Variants in COL4A3 observed in about 807,000 individuals in gnomAD.
COL4A3 encodes collagen type IV alpha 3 chain.
A neutral mutation model predicts 217.4 loss-of-function variants in COL4A3; 135 were observed. The ratio of observed to expected loss-of-function variants is 0.62; its 90% CI spans 0.54 to 0.72. The LOEUF is 0.72. Ranked by LOEUF, COL4A3 falls within the 30% of genes least tolerant of loss-of-function variation. The probability of loss-of-function intolerance (pLI) is 0.00; values close to 1 mark genes in which losing one functional copy is unlikely to be tolerated. For synonymous variants in COL4A3, 690 were observed against 736.3 expected (o/e 0.94, Z 1.02); for missense variants, 1,868 against 2,119.9 (o/e 0.88, Z 2.33).
rs1178651543 is a variant in COL4A3, at chr2:227,164,721, C to G, written c.-6C>G. 1 of 1,530,486 alleles carries G rather than the reference C, an allele frequency of 6.5e-7. No individual in the cohort carries two copies. Among genetic ancestry groups the G allele is most frequent in the Non-Finnish European group, 8.7e-7 (1 of 1,145,250 alleles). 94.8% of individuals were successfully genotyped at this position (1,530,486 alleles called of 1,614,324 possible). A position where few individuals can be genotyped will look rare whatever the true frequency, so the allele number is the denominator to read the frequency against. Reference sequence around the variant, plus strand: ...GACTCGCCCAGGCTCTGAGCGCGCGCCCACCATGAGCGCCCGGACCGCCCC... The same window carrying G: ...GACTCGCCCAGGCTCTGAGCGCGCGGCCACCATGAGCGCCCGGACCGCCCC... On this transcript the variant is annotated 5_prime_UTR_variant, in exon 1 of 52. Coordinates refer to ENST00000396578, the MANE Select transcript of COL4A3 (RefSeq NM_000091.5). This position sits in a 1 kb window ranked among gnomAD's most constrained non-coding sequence, Gnocchi z 4.8.
At chr2:227,202,936 T>TAC in intron 1 of COL4A3, among the ~76,000 whole-genome samples, 1 of 27,314 alleles carries the variant, frequency 3.7e-5, no homozygotes, top group South Asian at 1.5e-3. Flanking sequence ...TATATATGTG[T>TAC]ATATATGTGT....
Position 227,256,031 on chromosome 2 carries a change from A to C in COL4A3, c.894A>C (p.Lys298Asn). The C allele has an allele frequency of 6.2e-7, 1 of 1,613,806 alleles. No individual in the cohort carries two copies. The highest frequency in any genetic ancestry group is 8.5e-7 in the Non-Finnish European group (1 of 1,179,802). The change falls in exon 16 of 52, where the codon AAA becomes AAC. Residue 298 changes from lysine (K) to asparagine (N), a missense_variant. Lys to Asn is a moderately conservative substitution (Grantham distance 94). Transcript: ENST00000396578. ...GAPGDPGLQG[K>N]PGKDGVPGFP... ...TTGATTTGTTTTTGCTGTAGGGAAA[A>C]CCCGGAAAAGATGGTGTTCCTGGCT...
At chr2:227,299,371 G>T (rs562991643) in intron 43 of COL4A3, among the ~76,000 whole-genome samples, 6 of 152,128 alleles carry the variant, frequency 3.9e-5, no homozygotes, top group African/African-American at 1.2e-4. Context: ...CTCCAGCCTG[G>T]GTGACAGAGT....
In COL4A3 at chr2:227,297,676, G is replaced by T. The variant is rs1295568138; in HGVS notation, c.3568G>T (p.Ala1190Ser). The T allele has an allele frequency of 6.2e-7, 1 of 1,606,656 alleles. No individual in the cohort carries two copies. Among genetic ancestry groups the T allele is most frequent in the Admixed American group, 1.7e-5 (1 of 58,964 alleles). ...GPRGNPGAQG[A>S]KGDRGAPGFP... ...TTATTAAGCCTTCTTCTTTGCAGGA[G>T]CCAAAGGAGACAGGGGAGCCCCAGG... Residue 1190 changes from alanine (A) to serine (S), a missense_variant and splice_region_variant, in exon 42 of 52, where the codon GCC becomes TCC. Ala to Ser is a moderately conservative substitution (Grantham distance 99, BLOSUM62 1). This residue lies in a region of COL4A3 where 1,503 missense variants were observed against 1,786.1 expected (regional missense o/e 0.84). Transcript: ENST00000396578.
rs2125906629 is a variant in COL4A3 at position 227,244,958 on chromosome 2, G to A, written c.287G>A (p.Ser96Asn). 6.2e-7 allele frequency: 1 copy of A among 1,612,614 alleles called. No individual in the cohort carries two copies. The highest frequency in any genetic ancestry group is 8.5e-7 in the Non-Finnish European group (1 of 1,179,306). The stretch of plus-strand genomic sequence containing the variant: ...TTTTTCCTATGTCTTCAGGGAATAA[G>A]TGGATTGCCAGGATTTTCTGGTTCT... ...LTGSKGVRGISGLPGFSGSPG... is the reference protein window; with the variant it reads ...LTGSKGVRGINGLPGFSGSPG... Residue 96 changes from serine (S) to asparagine (N), a missense_variant, in exon 5 of 52, where the codon AGT becomes AAT. By Grantham distance (46) the Ser-to-Asn change is conservative (BLOSUM62 1). Transcript: ENST00000396578.
rs114708905 is a variant in COL4A3 at position 227,255,712 on chromosome 2, T to G, written c.889-314T>G. Among the ~76,000 whole-genome samples the G allele has an allele frequency of 5.6e-3, 857 of 152,200 alleles. 8 individuals are homozygous for G. Among genetic ancestry groups the G allele is most frequent in the African/African-American group, 0.019 (784 of 41,560 alleles). On this transcript the variant is annotated intron_variant, in intron 15 of 51. Coordinates refer to ENST00000396578, the MANE Select transcript of COL4A3 (RefSeq NM_000091.5). ...TTTACTTCTCTGCCCAGTGTGTGTG[T>G]GTTTTTTTTTTCCCTTCCAAGTTTA...
chr2:227,204,056 G>C (rs1053132921), intron 1 of COL4A3, among the ~76,000 whole-genome samples: 1 of 151,968 alleles, frequency 6.6e-6, no homozygotes, highest in Non-Finnish European at 1.5e-5. Flanking sequence ...TTATAGTATG[G>C]TGCTGACATT....
At chr2:227,236,649 A>G (rs562969756) in intron 1 of COL4A3, among the ~76,000 whole-genome samples, 38 of 149,678 alleles carry the variant, frequency 2.5e-4, no homozygotes, top group Non-Finnish European at 4.9e-4. Flanking sequence ...TATGCAGCAT[A>G]TATGTCAAAA....
At chr2:227,310,986 T>C (rs757181208) in intron 51 of COL4A3, 38 bp downstream of exon 51, 20 of 1,608,886 alleles carry the variant, frequency 1.2e-5, no homozygotes, top group Admixed American at 1.7e-5. Context: ...GATGACTCAA[T>C]TGCAGAACTA....
intron 1 of COL4A3, among the ~76,000 whole-genome samples, chr2:227,185,522 A>T (rs2066002963): frequency 6.6e-6 from 1 of 152,242 alleles, no homozygotes; most frequent in Admixed American, 6.5e-5. Flanking sequence ...AAGCAATGAC[A>T]ACTGTAGGTT....
At chr2:227,213,424 A>T (rs983669705) in intron 1 of COL4A3, among the ~76,000 whole-genome samples, 10 of 152,110 alleles carry the variant, frequency 6.6e-5, no homozygotes, top group African/African-American at 2.4e-4. Context: ...TATTCTAGCA[A>T]TTGTTCCCCT....
At chr2:227,216,531 T>C (rs559222163) in intron 1 of COL4A3, among the ~76,000 whole-genome samples, 28 of 152,140 alleles carry the variant, frequency 1.8e-4, no homozygotes, top group Admixed American at 1.8e-3. Flanking sequence ...ACAGAAGAGG[T>C]ATCAGAGAGC....
At chr2:227,238,182 A>G (rs529421721) in intron 2 of COL4A3, 158 bp downstream of exon 2, 43 of 526,594 alleles carry the variant, frequency 8.2e-5, no homozygotes, top group Non-Finnish European at 1.3e-4. Context: ...AACCTAAAAA[A>G]AAAAAAAGAA....
intron 1 of COL4A3, among the ~76,000 whole-genome samples, chr2:227,236,482 T>C (rs942735714): frequency 2.0e-5 from 3 of 152,214 alleles, no homozygotes; most frequent in African/African-American, 7.2e-5. Flanking sequence ...TATCTAGCAT[T>C]TCTTTTTTTA....
rs537007796 is a variant in COL4A3, at chr2:227,297,530, T to C, written c.3566-144T>C. ...AGCTCTATATTGCATTTACCAGCAA[T>C]ATATTATAAAATATATATTTTAGAA... On this transcript the variant is annotated intron_variant, in intron 41 of 51. Coordinates refer to ENST00000396578, the MANE Select transcript of COL4A3 (RefSeq NM_000091.5). 6.7e-6 allele frequency: 5 copies of C among 742,924 alleles called. No homozygotes were observed. In the East Asian group the frequency reaches 1.1e-4, roughly 17 times the overall value. The allele number at this position is 742,924 out of a possible 1,614,324, so 46.0% of individuals were successfully genotyped here.
chr2:227,249,230 A>ATATATATATATATTTTTTTTTTTTTT, intron 9 of COL4A3, among the ~76,000 whole-genome samples: 3 of 14,690 alleles, frequency 2.0e-4, no homozygotes, highest in African/African-American at 8.0e-4. Context: ...ATATATATAT[A>ATATATATATATATTTTTTTTTTTTTT]TTTTTTTTTT....
At chr2:227,202,101 A>C (rs1175489093) in intron 1 of COL4A3, among the ~76,000 whole-genome samples, 1 of 152,146 alleles carries the variant, frequency 6.6e-6, no homozygotes, top group African/African-American at 2.4e-5. Flanking sequence ...CCCTTCCAGA[A>C]TATATTCTTG....
At chr2:227,290,537 A>G (rs1361644133) in intron 36 of COL4A3, among the ~76,000 whole-genome samples, 2 of 152,092 alleles carry the variant, frequency 1.3e-5, no homozygotes, top group Admixed American at 6.6e-5. Context: ...CAGATTTCCT[A>G]TTAGACAAAT....
intron 1 of COL4A3, among the ~76,000 whole-genome samples, chr2:227,237,574 T>C (rs531821477): frequency 4.0e-4 from 61 of 152,328 alleles, no homozygotes; most frequent in African/African-American, 1.2e-3. Flanking sequence ...TTTTTAACTA[T>C]GACAGCAGCA....
Sources: gnomAD v4.1 joint callset for allele counts (sites outside exome capture counted in the v4.1 genomes callset) on GRCh38, gnomAD v4.1.1 for gene constraint, gnomAD v4.1.1 regional missense constraint, Gnocchi (gnomAD v3.1) non-coding constraint, MANE v1.5 for transcripts, NCBI Gene and HGNC (gene_info 2026-07-23, HGNC 2026-07-21) for gene names.